Variants in N4BP2L2 observed in about 807,000 individuals in gnomAD.
The protein encoded by N4BP2L2 is NEDD4 binding protein 2 like 2.
In N4BP2L2, 50 loss-of-function variants were observed where a neutral mutation model predicts 56.2. That is an observed-to-expected ratio of 0.89 (90% CI 0.71 to 1.13). N4BP2L2 has a LOEUF of 1.13. Ranked by LOEUF, N4BP2L2 falls within the 50% of genes most tolerant of loss-of-function variation. The pLI, the probability that N4BP2L2 is intolerant of heterozygous loss-of-function variation, is 0.00. For synonymous variants in N4BP2L2, 203 were observed against 223.6 expected (o/e 0.91, Z 0.82); for missense variants, 689 against 693.8 (o/e 0.99, Z 0.08).
At chr13:32,468,499 T>C (rs1325959339) in intron 6 of N4BP2L2, among the ~76,000 whole-genome samples, 2 of 152,132 alleles carry the variant, frequency 1.3e-5, no homozygotes, top group Non-Finnish European at 2.9e-5. Context: ...AGTAAAGAGG[T>C]ACTTTATCAG....
intron 6 of N4BP2L2, among the ~76,000 whole-genome samples, chr13:32,503,732 A>T (rs2090437248): frequency 6.6e-6 from 1 of 152,210 alleles, no homozygotes; most frequent in South Asian, 2.1e-4. Context: ...AAGCTACAAA[A>T]CCAAGGTAAA....
intron 6 of N4BP2L2, among the ~76,000 whole-genome samples, chr13:32,470,426 C>A (rs565335587): frequency 6.6e-6 from 1 of 152,136 alleles, no homozygotes; most frequent in Non-Finnish European, 1.5e-5. Context: ...GCAGGCTATT[C>A]GGTAGACATA....
At position 32,440,025 on chromosome 13, in the gene N4BP2L2, C is replaced by CA. The variant is rs71071042; in HGVS notation, c.2105-1289dup. Among the ~76,000 whole-genome samples, 228 of 103,700 alleles carry CA rather than the reference C, an allele frequency of 2.2e-3. 2 individuals carry two copies. The highest frequency in any genetic ancestry group is 0.013 in the East Asian group (44 of 3,280). 68.0% of individuals were successfully genotyped at this position (103,700 alleles called of 152,430 possible). On this transcript the variant is annotated intron_variant, in intron 7 of 9. Transcript: ENST00000357505. ...TGGGTGGCAGAGCGAGACTCCGTCT[C>CA]AAAAAAAAAAAAAAAGAAAAGGAAA...
intron 6 of N4BP2L2, among the ~76,000 whole-genome samples, chr13:32,499,133 T>C (rs1241996300): frequency 6.6e-6 from 1 of 152,190 alleles, no homozygotes; most frequent in Non-Finnish European, 1.5e-5. Context: ...TCCTTCTTGC[T>C]AAGTCTGACT....
chr13:32,533,515 ATTTTTT>A (rs766383227), intron 2 of N4BP2L2, among the ~76,000 whole-genome samples: 19 of 122,262 alleles, frequency 1.6e-4, no homozygotes, highest in East Asian at 1.1e-3. Context: ...AGCATTACTA[ATTTTTT>A]TTTTTTTTTT....
chr13:32,433,480 A>G (rs1833570472), intron 9 of N4BP2L2, among the ~76,000 whole-genome samples: 1 of 152,168 alleles, frequency 6.6e-6, no homozygotes, highest in Non-Finnish European at 1.5e-5. Flanking sequence ...TAATAAAAAT[A>G]CAAAAATTAG....
intron 6 of N4BP2L2, among the ~76,000 whole-genome samples, chr13:32,476,566 T>C (rs2083363019): frequency 6.6e-6 from 1 of 152,172 alleles, no homozygotes; most frequent in Non-Finnish European, 1.5e-5. Flanking sequence ...GCCAGGCACC[T>C]GGCAGAAGTA....
At chr13:32,442,549 C>A in exon 7 of N4BP2L2, 1 of 1,613,802 alleles carries the variant, frequency 6.2e-7, no homozygotes, top group Non-Finnish European at 8.5e-7. Context: ...TCTATCAAAC[C>A]TTTCATTTAA....
exon 6 of N4BP2L2, chr13:32,515,711 A>C (rs1172255401): frequency 6.6e-6 from 1 of 152,140 alleles, no homozygotes; most frequent in Non-Finnish European, 1.5e-5. Flanking sequence ...TACTTTCCAA[A>C]AATAAATGTA....
intron 8 of N4BP2L2, among the ~76,000 whole-genome samples, chr13:32,436,864 C>CTATCTATT (rs541640137): frequency 7.5e-6 from 1 of 132,864 alleles, no homozygotes; most frequent in Non-Finnish European, 1.6e-5. Flanking sequence ...TAATATCTAT[C>CTATCTATT]TATTTATTTA....
Position 32,443,560 on chromosome 13 carries a change from ATT to A in N4BP2L2, c.930_931del (p.Glu310AspfsTer4). ...TTCATGTGAGAGATTTTTATCTACT[ATT>A]TCTCTCTTCTTCATAAATAAGCATG... On this transcript the variant is annotated frameshift_variant, in exon 7 of 10. Transcript: ENST00000357505. LOFTEE classifies it high-confidence loss of function. 6.2e-7 allele frequency: 1 copy of A among 1,611,030 alleles called. No individual in the cohort carries two copies. The highest frequency in any genetic ancestry group is 8.5e-7 in the Non-Finnish European group (1 of 1,178,452).
chr13:32,452,527 C>T (rs2078266582), intron 6 of N4BP2L2, among the ~76,000 whole-genome samples: 1 of 152,202 alleles, frequency 6.6e-6, no homozygotes, highest in Non-Finnish European at 1.5e-5. Context: ...TATGATTTAA[C>T]TGGTTTATCT....
chr13:32,436,816 G>GAAGA (rs369655778), intron 8 of N4BP2L2, among the ~76,000 whole-genome samples: 26,993 of 128,748 alleles, frequency 0.21, 3,310 homozygotes, highest in South Asian at 0.36. Context: ...AAAAAGAAAG[G>GAAGA]AAGAAAGAAA....
At chr13:32,490,671 G>A (rs192096889) in intron 6 of N4BP2L2, among the ~76,000 whole-genome samples, 1 of 152,120 alleles carries the variant, frequency 6.6e-6, no homozygotes, top group East Asian at 1.9e-4. Context: ...TTTGGGGGTG[G>A]TTTCGGAGAT....
intron 3 of N4BP2L2, 161 bp from the exon 4 acceptor site, chr13:32,522,431 G>A: frequency 2.3e-6 from 1 of 435,822 alleles, no homozygotes; most frequent in Non-Finnish European, 3.9e-6. Flanking sequence ...CCACTAGATT[G>A]AAAGGGAATT....
At chr13:32,462,805 CA>C (rs913672923) in intron 6 of N4BP2L2, among the ~76,000 whole-genome samples, 8 of 125,356 alleles carry the variant, frequency 6.4e-5, no homozygotes, top group Non-Finnish European at 1.1e-4. Flanking sequence ...GAGGGCGGAT[CA>C]AAAGGTCAGG....
At chr13:32,488,842 T>G (rs1463145866) in intron 6 of N4BP2L2, among the ~76,000 whole-genome samples, 1 of 152,236 alleles carries the variant, frequency 6.6e-6, no homozygotes, top group Non-Finnish European at 1.5e-5. Flanking sequence ...CAAATCAATG[T>G]GTTTAAAGTT....
At chr13:32,533,140 T>A in intron 2 of N4BP2L2, among the ~76,000 whole-genome samples, 1 of 152,226 alleles carries the variant, frequency 6.6e-6, no homozygotes, top group East Asian at 1.9e-4. Flanking sequence ...TTTTTTAAAC[T>A]GTCCTTGTTA....
intron 6 of N4BP2L2, among the ~76,000 whole-genome samples, chr13:32,496,367 C>T (rs1222434046): frequency 1.3e-5 from 2 of 152,076 alleles, no homozygotes; most frequent in African/African-American, 4.8e-5. Context: ...TTTAAGACCA[C>T]CGCCTTACAA....
Sources: allele counts gnomAD v4.1 joint callset (sites outside exome capture counted in the v4.1 genomes callset), GRCh38; gene constraint gnomAD v4.1.1; transcripts MANE v1.5; gene names NCBI Gene and HGNC (gene_info 2026-07-23, HGNC 2026-07-21).